MECOM: variants seen among roughly 807,000 people sequenced by gnomAD.
The protein encoded by MECOM is MDS1 and EVI1 complex locus.
In MECOM, 13 loss-of-function variants were observed where a neutral mutation model predicts 116.3. The ratio of observed to expected loss-of-function variants is 0.11; its 90% CI spans 0.07 to 0.18. The LOEUF is 0.18. Ranked by LOEUF, MECOM falls within the 10% of genes least tolerant of loss-of-function variation. MECOM has a pLI of 1.00. For missense variants in MECOM, 1,299 were observed against 1,509.0 expected (o/e 0.86, Z 2.31); for synonymous variants, 528 against 535.2 (o/e 0.99, Z 0.19).
intron 3 of MECOM, chr3:169,133,778 T>C (rs1735493594): frequency 4.7e-6 from 2 of 427,982 alleles, no homozygotes; most frequent in African/African-American, 4.2e-5. Context: ...AGATTTAAAA[T>C]AATAATAAAA....
chr3:169,663,632 A>C lies in MECOM; in HGVS notation c.-260T>G. 1 of 551,820 alleles carries C rather than the reference A, an allele frequency of 1.8e-6. No individual in the cohort carries two copies. Among genetic ancestry groups the C allele is most frequent in the South Asian group, 2.4e-5 (1 of 41,208 alleles). 34.2% of individuals were successfully genotyped at this position (551,820 alleles called of 1,614,324 possible). On this transcript the variant is annotated 5_prime_UTR_variant, in exon 1 of 17. Coordinates refer to ENST00000651503, the MANE Select transcript of MECOM (RefSeq NM_004991.4). ...TCCCTCCCTCTCTCCCTTTCTCTCA[A>C]TCCACACTCGCTATCTCTCCAGCAT...
chr3:169,416,461 A>G (rs912008335), intron 1 of MECOM, among the ~76,000 whole-genome samples: 8 of 152,212 alleles, frequency 5.3e-5, no homozygotes, highest in Non-Finnish European at 1.0e-4. Flanking sequence ...TCACAATTAA[A>G]AGAACTAGAG....
At chr3:169,388,249 G>A (rs1056700530) in intron 1 of MECOM, among the ~76,000 whole-genome samples, 5 of 152,114 alleles carry the variant, frequency 3.3e-5, no homozygotes, top group East Asian at 1.9e-4. Flanking sequence ...AATTAAAACT[G>A]GACATGCTCT....
At chr3:169,468,166 A>G (rs1010716525) in intron 1 of MECOM, among the ~76,000 whole-genome samples, 4 of 151,242 alleles carry the variant, frequency 2.6e-5, no homozygotes, top group African/African-American at 9.7e-5. Flanking sequence ...CCACTCTCCC[A>G]GGGTTCCCTA....
At chr3:169,519,564 G>T (rs571242953) in intron 1 of MECOM, among the ~76,000 whole-genome samples, 15 of 152,304 alleles carry the variant, frequency 9.8e-5, no homozygotes, top group Middle Eastern at 3.4e-3. Flanking sequence ...TATGTAAAAT[G>T]CCCAATTCAG....
chr3:169,483,094 C>T (rs189363463), intron 1 of MECOM, among the ~76,000 whole-genome samples: 18 of 152,128 alleles, frequency 1.2e-4, no homozygotes, highest in African/African-American at 4.1e-4. Context: ...ATGGTATACT[C>T]GACTAGCAGC....
chr3:169,496,995 C>A (rs1054488008), intron 1 of MECOM, among the ~76,000 whole-genome samples: 2 of 152,212 alleles, frequency 1.3e-5, no homozygotes, highest in African/African-American at 4.8e-5. Context: ...AACTATTACC[C>A]TATTTCTTCC....
intron 1 of MECOM, among the ~76,000 whole-genome samples, chr3:169,634,999 G>T (rs564317373): frequency 6.6e-6 from 1 of 152,202 alleles, no homozygotes; most frequent in Middle Eastern, 3.4e-3. Context: ...CAGGATGGGT[G>T]TATGGAGGAC....
intron 2 of MECOM, among the ~76,000 whole-genome samples, chr3:169,230,824 C>T (rs1043203645): frequency 1.3e-5 from 2 of 152,082 alleles, no homozygotes; most frequent in African/African-American, 4.8e-5. Context: ...GAATAGTTGC[C>T]GCAACATACA....
At chr3:169,152,514 G>A (rs1262340898) in intron 2 of MECOM, among the ~76,000 whole-genome samples, 2 of 152,152 alleles carry the variant, frequency 1.3e-5, no homozygotes, top group Admixed American at 6.5e-5. Context: ...ATTCAGGCAT[G>A]TTTACTCTCC....
intron 2 of MECOM, among the ~76,000 whole-genome samples, chr3:169,307,474 TGA>T (rs1368392345): frequency 2.0e-5 from 3 of 152,100 alleles, no homozygotes; most frequent in Non-Finnish European, 4.4e-5. Context: ...CTTGGGAGGC[TGA>T]GAGGATTGCT....
intron 2 of MECOM, among the ~76,000 whole-genome samples, chr3:169,235,974 C>A (rs1754011287): frequency 6.6e-6 from 1 of 151,246 alleles, no homozygotes; most frequent in African/African-American, 2.4e-5. Flanking sequence ...TCAGTAGAAA[C>A]TGGATTTTTT....
chr3:169,282,918 C>A (rs575123504), intron 2 of MECOM, among the ~76,000 whole-genome samples: 4 of 151,762 alleles, frequency 2.6e-5, no homozygotes, highest in Non-Finnish European at 4.4e-5. Context: ...CCAATGCAAC[C>A]ACTGGCATAT....
chr3:169,416,574 T>G (rs1169634848), intron 1 of MECOM, among the ~76,000 whole-genome samples: 2 of 149,498 alleles, frequency 1.3e-5, no homozygotes, highest in African/African-American at 4.9e-5. Flanking sequence ...TTGAAAAAAA[T>G]CAATGAATCC....
intron 2 of MECOM, among the ~76,000 whole-genome samples, chr3:169,274,302 T>C (rs1577550230): frequency 6.6e-6 from 1 of 152,176 alleles, no homozygotes; most frequent in Non-Finnish European, 1.5e-5. Context: ...TCAATAAACA[T>C]TCACTTGTTT....
chr3:169,184,958 G>A (rs1233983576), intron 2 of MECOM, among the ~76,000 whole-genome samples: 3 of 152,146 alleles, frequency 2.0e-5, no homozygotes, highest in Non-Finnish European at 4.4e-5. Flanking sequence ...GAAGAGAAAA[G>A]GAGTGCCAGA....
At chr3:169,087,484 T>C (rs1460700747) in intron 16 of MECOM, among the ~76,000 whole-genome samples, 1 of 151,962 alleles carries the variant, frequency 6.6e-6, no homozygotes, top group African/African-American at 2.4e-5. Flanking sequence ...ATAGTCCCGG[T>C]TATCCAGATG....
intron 1 of MECOM, among the ~76,000 whole-genome samples, chr3:169,623,044 T>C (rs943868887): frequency 2.0e-5 from 3 of 152,040 alleles, no homozygotes; most frequent in African/African-American, 7.3e-5. Flanking sequence ...AGGAGAGAAA[T>C]CGCACAAAGA....
Position 169,089,092 on chromosome 3 carries a change from T to G in MECOM, c.3493A>C (p.Asn1165His), listed in dbSNP as rs573549322. The G allele has an allele frequency of 3.7e-6, 6 of 1,610,976 alleles. No homozygotes were observed. In the East Asian group the frequency reaches 1.3e-4, roughly 36 times the overall value. ...GACAGCTCAGCTTCAGAATATTGATTATCTTCCATTTTCCTCATTTTGAGG... is the reference window on the plus strand; with the variant it reads ...GACAGCTCAGCTTCAGAATATTGATGATCTTCCATTTTCCTCATTTTGAGG... ...DSLKMRKMED[N>H]QYSEAELSSF... The change falls in exon 16 of 17, where the codon AAT becomes CAT. Residue 1165 changes from asparagine to histidine, a missense_variant. Transcript: ENST00000651503.
Sources: gnomAD v4.1 joint callset for allele counts (sites outside exome capture counted in the v4.1 genomes callset) on GRCh38, gnomAD v4.1.1 for gene constraint, MANE v1.5 for transcripts, NCBI Gene and HGNC (gene_info 2026-07-23, HGNC 2026-07-21) for gene names.